The following PDZD11 variants were observed in gnomAD, a reference collection of about 807,000 sequenced individuals.
PDZD11 encodes the protein PDZ domain-containing protein 11.
Under a neutral mutation model 13.7 loss-of-function variants are expected in PDZD11, and 2 were observed. The observed-to-expected ratio is 0.15, with a 90% confidence interval of 0.06 to 0.46. The LOEUF is 0.46. Ranked by LOEUF, PDZD11 falls within the 20% of genes least tolerant of loss-of-function variation. The pLI is 0.98. For synonymous variants in PDZD11, 32 were observed against 37.5 expected (o/e 0.85, Z 0.54); for missense variants, 44 against 111.7 (o/e 0.39, Z 2.73).
rs747226650 is a variant in PDZD11 at position 70,289,369 on chromosome X, C to T, written c.-13-15G>A. 5.9e-6 allele frequency: 7 copies of T among 1,195,130 alleles called. No individual in the cohort carries two copies. In the East Asian group the frequency reaches 1.8e-4, roughly 31 times the overall value. The stretch of plus-strand genomic sequence containing the variant: ...CGGGCAAGGCCCTGGAAGAGTGAAT[C>T]AGAACAGACAAAAAGTGGTTCAAAA... On this transcript the variant is annotated splice_polypyrimidine_tract_variant and intron_variant, in intron 1 of 6. Transcript: ENST00000239666.
At chrX:70,287,932 G>C (rs1211103841) in intron 4 of PDZD11, 102 bp from the exon 5 acceptor site, 2 of 780,093 alleles carry the variant, frequency 2.6e-6, no homozygotes, top group East Asian at 6.3e-5. Flanking sequence ...TTGTTTTTCT[G>C]TGACAATGTA....
chrX:70,287,002 T>G lies in PDZD11; in HGVS notation c.*80A>C, dbSNP rs752034199. ...CCAACTCACTATTCCAGGGAGGGGC[T>G]GAAAACAGAAGTGGCTCCCCTGAAG... On this transcript the variant is annotated 3_prime_UTR_variant, in exon 7 of 7. Transcript: ENST00000239666. 7.5e-6 allele frequency: 7 copies of G among 927,630 alleles called. No homozygotes were observed. In the East Asian group the frequency reaches 2.0e-4, roughly 27 times the overall value. 76.4% of individuals were successfully genotyped at this position (927,630 alleles called of 1,213,427 possible).
chrX:70,289,652 A>T, intron 1 of PDZD11: 1 of 288,783 alleles, frequency 3.5e-6, no homozygotes, highest in East Asian at 7.4e-5. Context: ...GTCGAGTCTA[A>T]AAAGATCTAC....
At chrX:70,289,490 G>A in intron 1 of PDZD11, 136 bp from the exon 2 acceptor site, 2 of 1,021,601 alleles carry the variant, frequency 2.0e-6, no homozygotes, top group African/African-American at 1.9e-5. Context: ...TAAGGTTGGA[G>A]GAGAGAAGGA....
At position 70,287,029 on chromosome X, in the gene PDZD11, C is replaced by G; in HGVS notation, c.*53G>C. 1 of 1,101,331 alleles carries G rather than the reference C, an allele frequency of 9.1e-7. No homozygotes were observed. The highest frequency in any genetic ancestry group is 1.2e-6 in the Non-Finnish European group (1 of 809,010). The allele number at this position is 1,101,331 out of a possible 1,213,427, so 90.8% of individuals were successfully genotyped here. ...AAAACAGAAGTGGCTCCCCTGAAGTCTAGTTAGCATGTCATGACAGAGTCC... is the reference window on the plus strand; with the variant it reads ...AAAACAGAAGTGGCTCCCCTGAAGTGTAGTTAGCATGTCATGACAGAGTCC... On this transcript the variant is annotated 3_prime_UTR_variant, in exon 7 of 7. Transcript: ENST00000239666.
At position 70,286,915 on chromosome X, in the gene PDZD11, T is replaced by C. The variant is rs1220091500; in HGVS notation, c.*167A>G. On this transcript the variant is annotated 3_prime_UTR_variant, in exon 7 of 7. Coordinates refer to ENST00000239666, the MANE Select transcript of PDZD11 (RefSeq NM_016484.5). ...AGGGAATGAAGCTCACCTAGAAAAC[T>C]AGGGAACTAAAAGTGCAATATGGTT... 2.2e-6 allele frequency: 1 copy of C among 459,481 alleles called. No individual in the cohort carries two copies. The allele number at this position is 459,481 out of a possible 1,213,427, so 37.9% of individuals were successfully genotyped here.
In PDZD11 at chrX:70,289,897, T is replaced by C. The variant is rs1002108254; in HGVS notation, c.-51A>G. ...CACAGCGACCTCAGACTCCGCTCAC[T>C]GACAATTCAGTCTGGGAACCGGAAG... On this transcript the variant is annotated 5_prime_UTR_variant, in exon 1 of 7. Coordinates refer to ENST00000239666, the MANE Select transcript of PDZD11 (RefSeq NM_016484.5). The C allele has an allele frequency of 3.4e-5, 4 of 117,022 alleles. No homozygotes were observed. The highest frequency in any genetic ancestry group is 1.3e-4 in the African/African-American group (4 of 30,966). 9.6% of individuals were successfully genotyped at this position (117,022 alleles called of 1,213,427 possible).
intron 1 of PDZD11, 199 bp from the exon 2 acceptor site, chrX:70,289,553 C>CT: frequency 1.8e-6 from 1 of 557,474 alleles, no homozygotes; most frequent in Non-Finnish European, 2.7e-6. Context: ...GCCAAGCAAC[C>CT]TGTCAGGTAC....
chrX:70,288,438 C>T lies in PDZD11; in HGVS notation c.163G>A (p.Gly55Arg). 1 of 1,208,733 alleles carries T rather than the reference C, an allele frequency of 8.3e-7. No homozygotes were observed. Among genetic ancestry groups the T allele is most frequent in the Non-Finnish European group, 1.1e-6 (1 of 892,762 alleles). ...AGGTTTCATAAGTTCACCTGAGCTC[C>T]AGGAGGCTTCTTCAGTGTGATGGTT... ...PRTITLKKPP[G>R]AQLGFNIRGG... The change falls in exon 3 of 7, where the codon GGA becomes AGA. Residue 55 changes from glycine to arginine, a missense_variant. Coordinates refer to ENST00000239666, the MANE Select transcript of PDZD11 (RefSeq NM_016484.5).
In PDZD11 at chrX:70,289,352, G is replaced by A; in HGVS notation, c.-11C>T. 8.3e-7 allele frequency: 1 copy of A among 1,204,656 alleles called. No individual in the cohort carries two copies. The highest frequency in any genetic ancestry group is 1.7e-5 in the African/African-American group (1 of 57,664). ...AATCCGGCTGTCCATCTCGGGCAAG[G>A]CCCTGGAAGAGTGAATCAGAACAGA... is the stretch of plus-strand genomic sequence containing the variant. On this transcript the variant is annotated splice_region_variant and 5_prime_UTR_variant, in exon 2 of 7. Transcript: ENST00000239666.
intron 6 of PDZD11, 31 bp from the exon 7 acceptor site, chrX:70,287,147 G>C (rs1273475242): frequency 1.7e-6 from 2 of 1,189,836 alleles, no homozygotes; most frequent in Admixed American, 2.3e-5. Context: ...AGGAGGAACA[G>C]AGCAGGTTAT....
chrX:70,287,544 G>A (rs745681788), intron 5 of PDZD11, among the ~76,000 whole-genome samples, 188 bp downstream of exon 5: 17 of 111,180 alleles, frequency 1.5e-4, no homozygotes, highest in African/African-American at 5.6e-4. Context: ...CGTTGCCTGG[G>A]CTGGTCTTAA....
intron 1 of PDZD11, chrX:70,289,641 G>A (rs1264613092): frequency 3.2e-6 from 1 of 308,920 alleles, no homozygotes; most frequent in Non-Finnish European, 5.7e-6. Context: ...AGGAAATCAG[G>A]GTCGAGTCTA....
In PDZD11 at chrX:70,286,957, T is replaced by TTAGC; in HGVS notation, c.*121_*124dup. 1 of 575,513 alleles carries TTAGC rather than the reference T, an allele frequency of 1.7e-6. No homozygotes were observed. The highest frequency in any genetic ancestry group is 2.8e-6 in the Non-Finnish European group (1 of 352,198). The allele number at this position is 575,513 out of a possible 1,213,427, so 47.4% of individuals were successfully genotyped here. ...AATATGGTTTGGGTAATGCAGTTGG[T>TTAGC]TAGCTGTCTCCCCATCCTCCCAACT... On this transcript the variant is annotated 3_prime_UTR_variant, in exon 7 of 7. Transcript: ENST00000239666.
At chrX:70,287,628 C>A in intron 5 of PDZD11, 104 bp downstream of exon 5, 1 of 636,152 alleles carries the variant, frequency 1.6e-6, no homozygotes, top group African/African-American at 2.1e-5. Context: ...CCACAGTGCC[C>A]AGCAAAATGC....
chrX:70,288,369 C>A, intron 3 of PDZD11, 61 bp downstream of exon 3: 1 of 1,056,223 alleles, frequency 9.5e-7, no homozygotes, highest in Admixed American at 2.2e-5. Context: ...ATCCATCCCC[C>A]CAACACTGCC....
In PDZD11 at chrX:70,286,606, TTG is replaced by T. The variant is rs1238299577; in HGVS notation, c.*474_*475del. 1 of 118,977 alleles carries T rather than the reference TTG, an allele frequency of 8.4e-6. No homozygotes were observed. The highest frequency in any genetic ancestry group is 1.7e-5 in the Non-Finnish European group (1 of 57,798). 9.8% of individuals were successfully genotyped at this position (118,977 alleles called of 1,213,427 possible). A position where few individuals can be genotyped will look rare whatever the true frequency, so the allele number is the denominator to read the frequency against. ...AAGTCACACCAATATTTCTTCAGCA[TTG>T]TGTTTTACTTTTTGGGAGAGAGGCT... On this transcript the variant is annotated 3_prime_UTR_variant, in exon 7 of 7. Transcript: ENST00000239666.
chrX:70,288,424 G>A lies in PDZD11; in HGVS notation c.171+6C>T. 1 of 1,202,907 alleles carries A rather than the reference G, an allele frequency of 8.3e-7. No individual in the cohort carries two copies. ...TCTAGCCTGAAATAAGGTTTCATAA[G>A]TTCACCTGAGCTCCAGGAGGCTTCT... On this transcript the variant is annotated splice_donor_region_variant and intron_variant, in intron 3 of 6. Transcript: ENST00000239666.
At position 70,286,771 on chromosome X, in the gene PDZD11, A is replaced by G. The variant is rs1187265072; in HGVS notation, c.*311T>C. 8.4e-6 allele frequency: 2 copies of G among 237,098 alleles called. No individual in the cohort carries two copies. Among genetic ancestry groups the G allele is most frequent in the Non-Finnish European group, 1.5e-5 (2 of 133,970 alleles). 19.5% of individuals were successfully genotyped at this position (237,098 alleles called of 1,213,427 possible). On this transcript the variant is annotated 3_prime_UTR_variant, in exon 7 of 7. Transcript: ENST00000239666. ...AAGATTCTTTTTGCTACTGATTTCT[A>G]TAATTAAAATATGACATATGTAAGG... is the stretch of plus-strand genomic sequence containing the variant.
Sources: allele counts gnomAD v4.1 joint callset (sites outside exome capture counted in the v4.1 genomes callset), GRCh38; gene constraint gnomAD v4.1.1; transcripts MANE v1.5; gene names NCBI Gene and HGNC (gene_info 2026-07-23, HGNC 2026-07-21).